The following ZNF577 variants were observed in gnomAD, a reference collection of about 807,000 sequenced individuals.
ZNF577 encodes the protein zinc finger protein 577.
In ZNF577, 14 loss-of-function variants were observed where a neutral mutation model predicts 13.9. The observed-to-expected ratio is 1.00, with a 90% CI of 0.66 to 1.57. The LOEUF is 1.57. ZNF577 is among the 40% of genes most tolerant of loss of function. The pLI is 0.00. For missense variants in ZNF577, 555 were observed against 579.2 expected (o/e 0.96, Z 0.43); for synonymous variants, 203 against 202.9 (o/e 1.00, Z 0.00).
In ZNF577 at chr19:51,887,947, G is replaced by A. The variant is rs928032524; in HGVS notation, c.-1345C>T. 4 of 152,252 alleles carry A rather than the reference G, an allele frequency of 2.6e-5. No homozygotes were observed. The highest frequency in any genetic ancestry group is 1.3e-4 in the Admixed American group (2 of 15,290). 9.4% of individuals were successfully genotyped at this position (152,252 alleles called of 1,614,324 possible). A position where few individuals can be genotyped will look rare whatever the true frequency, so the allele number is the denominator to read the frequency against. On this transcript the variant is annotated 5_prime_UTR_variant, in exon 1 of 6. Coordinates refer to ENST00000638348, the MANE Select transcript of ZNF577 (RefSeq NM_001370449.1). Reference sequence around the variant, plus strand: ...CACACTGCAGACGCGACACTCGCAAGTTTCGGGGATGGCGGCCGGCGAGGG... The same window carrying A: ...CACACTGCAGACGCGACACTCGCAAATTTCGGGGATGGCGGCCGGCGAGGG...
chr19:51,813,802 G>C (rs1467647613), intron 9 of ZNF577, among the ~76,000 whole-genome samples: 2 of 152,142 alleles, frequency 1.3e-5, no homozygotes, highest in East Asian at 1.9e-4. Flanking sequence ...CCAAAGTGCT[G>C]GGATTACAGG....
intron 5 of ZNF577, among the ~76,000 whole-genome samples, chr19:51,853,139 G>A (rs1340343737): frequency 3.9e-5 from 6 of 152,146 alleles, no homozygotes; most frequent in Non-Finnish European, 8.8e-5. Context: ...GTTTCACCAT[G>A]TTGCCCAGAC....
At chr19:51,883,343 T>C (rs899028565) in intron 1 of ZNF577, among the ~76,000 whole-genome samples, 2 of 152,020 alleles carry the variant, frequency 1.3e-5, no homozygotes, top group Non-Finnish European at 2.9e-5. Flanking sequence ...CAGGTTGGTC[T>C]TGAACTCTTG....
chr19:51,829,975 A>C (rs1187264249), intron 9 of ZNF577, among the ~76,000 whole-genome samples: 1 of 152,180 alleles, frequency 6.6e-6, no homozygotes, highest in Non-Finnish European at 1.5e-5. Context: ...CAATTTGTAA[A>C]GTCAAAACAA....
rs1270891629 is a variant in ZNF577, at chr19:51,872,805, A to G, written c.1185T>C (p.His395=). Residue 395 remains histidine (H), a synonymous_variant, in exon 6 of 6, where the codon CAT becomes CAC. Coordinates refer to ENST00000638348, the MANE Select transcript of ZNF577 (RefSeq NM_001370449.1). ...TGAGTTCGCTCATGTATAAGGAGGT[A>G]TGACTCCTTGAGGAAGGTTTCTCCA... ...LTVEKPSSRS[H]TSLYMSELIQ... 6.2e-7 allele frequency: 1 copy of G among 1,614,202 alleles called. No individual in the cohort carries two copies. The highest frequency in any genetic ancestry group is 8.5e-7 in the Non-Finnish European group (1 of 1,180,026).
At chr19:51,818,650 G>A (rs1276628857) in intron 9 of ZNF577, among the ~76,000 whole-genome samples, 1 of 152,160 alleles carries the variant, frequency 6.6e-6, no homozygotes, top group African/African-American at 2.4e-5. Context: ...AAACTCCAGA[G>A]GAAGATCATA....
At chr19:51,818,489 G>C (rs1021658548) in intron 9 of ZNF577, among the ~76,000 whole-genome samples, 4 of 152,204 alleles carry the variant, frequency 2.6e-5, no homozygotes, top group Admixed American at 2.6e-4. Context: ...AAGTATTTAT[G>C]ATAGAAAATA....
chr19:51,837,510 T>C (rs2084294621), intron 9 of ZNF577, among the ~76,000 whole-genome samples: 1 of 152,246 alleles, frequency 6.6e-6, no homozygotes, highest in African/African-American at 2.4e-5. Context: ...CAAGTAACCA[T>C]ACAGGATCCA....
At chr19:51,851,782 G>A (rs577765217) in intron 5 of ZNF577, among the ~76,000 whole-genome samples, 1 of 152,280 alleles carries the variant, frequency 6.6e-6, no homozygotes, top group Admixed American at 6.5e-5. Context: ...GCCAAGATCT[G>A]GAGCCGCCCT....
rs1050415299 is a variant in ZNF577 at position 51,855,373 on chromosome 19, G to C, written c.284-10442C>G. ...CCACTCTTTGCTGAGGGTGCTGTGT[G>C]TGTGTGTGTGTGTGTGTGTGTGTGT... On this transcript the variant is annotated intron_variant and NMD_transcript_variant, in intron 5 of 10. Coordinates refer to the ZNF577 transcript ENST00000638827. 7.8e-4 allele frequency among the ~76,000 whole-genome samples: 66 copies of C among 85,108 alleles called. 1 individual carries two copies. Among genetic ancestry groups the C allele is most frequent in the Non-Finnish European group, 1.2e-3 (51 of 42,918 alleles). The allele number at this position is 85,108 out of a possible 152,430, so 55.8% of individuals were successfully genotyped here.
At chr19:51,885,511 C>T (rs2084931233) in intron 1 of ZNF577, among the ~76,000 whole-genome samples, 2 of 152,090 alleles carry the variant, frequency 1.3e-5, no homozygotes, top group Admixed American at 1.3e-4. Context: ...TAAGTATATG[C>T]TCTATTGACT....
At chr19:51,827,090 T>C (rs979022276) in intron 9 of ZNF577, among the ~76,000 whole-genome samples, 1 of 152,190 alleles carries the variant, frequency 6.6e-6, no homozygotes, top group East Asian at 1.9e-4. Flanking sequence ...TAATCCTACA[T>C]TTTAGCAGAA....
intron 5 of ZNF577, among the ~76,000 whole-genome samples, chr19:51,846,923 T>A (rs73063027): frequency 0.11 from 16,801 of 152,198 alleles, 936 homozygotes; most frequent in South Asian, 0.14. Flanking sequence ...AGCTGACTAA[T>A]ACATTACATG....
At chr19:51,884,032 C>T (rs2084904793) in intron 1 of ZNF577, among the ~76,000 whole-genome samples, 1 of 152,178 alleles carries the variant, frequency 6.6e-6, no homozygotes, top group African/African-American at 2.4e-5. Context: ...CAAGATAACG[C>T]CACTGCAGTC....
chr19:51,840,573 G>A (rs988611563), intron 8 of ZNF577: 6 of 152,058 alleles, frequency 3.9e-5, no homozygotes, highest in Non-Finnish European at 7.3e-5. Flanking sequence ...ACTGGTTGTG[G>A]AGCAGACACT....
At chr19:51,865,974 G>T (rs1426259758), downstream of ZNF577, among the ~76,000 whole-genome samples, 1 of 152,080 alleles carries the variant, frequency 6.6e-6, no homozygotes, top group Non-Finnish European at 1.5e-5. Flanking sequence ...ACTTAGCTGG[G>T]TGTGGTGGCA....
At chr19:51,834,053 C>A (rs919780056) in intron 9 of ZNF577, among the ~76,000 whole-genome samples, 4 of 127,532 alleles carry the variant, frequency 3.1e-5, no homozygotes, top group Non-Finnish European at 6.7e-5. Context: ...CAAAAACACA[C>A]AATAGATTTT....
At chr19:51,864,569 AAGG>A (rs1401779561), downstream of ZNF577, among the ~76,000 whole-genome samples, 6 of 152,186 alleles carry the variant, frequency 3.9e-5, no homozygotes, top group Admixed American at 1.3e-4. Flanking sequence ...CTGTTAGAGA[AAGG>A]AGTAGAGGAC....
intron 9 of ZNF577, among the ~76,000 whole-genome samples, chr19:51,828,583 T>C (rs1419333796): frequency 1.3e-5 from 2 of 151,888 alleles, no homozygotes; most frequent in Admixed American, 6.6e-5. Flanking sequence ...TCTTTAGGAG[T>C]TTTCATTGTG....
Sources: gnomAD v4.1 joint callset for allele counts (sites outside exome capture counted in the v4.1 genomes callset) on GRCh38, gnomAD v4.1.1 for gene constraint, MANE v1.5 for transcripts, NCBI Gene and HGNC (gene_info 2026-07-23, HGNC 2026-07-21) for gene names.